OSR1: variants seen among roughly 807,000 people sequenced by gnomAD.
OSR1 encodes the protein protein odd-skipped-related 1.
In OSR1, 3 loss-of-function variants were observed where a neutral mutation model predicts 15.7. The observed-to-expected ratio is 0.19, with a 90% CI of 0.09 to 0.50. The LOEUF is 0.50. Among genes scored for constraint, OSR1 ranks in the 20% least tolerant of loss-of-function variants. The pLI is 0.97. For missense variants in OSR1, 271 were observed against 351.1 expected (o/e 0.77, Z 1.82); for synonymous variants, 166 against 152.7 (o/e 1.09, Z -0.64).
chr2:19,355,823 A>G (rs1306268541), intron 1 of OSR1: 1 of 152,194 alleles, frequency 6.6e-6, no homozygotes, highest in African/African-American at 2.4e-5. Flanking sequence ...GGACAAATTG[A>G]GACTATCCCA....
intron 2 of OSR1, 133 bp downstream of exon 2, chr2:19,353,008 T>G: frequency 2.6e-6 from 3 of 1,169,596 alleles, no homozygotes; most frequent in Non-Finnish European, 2.4e-6. Context: ...TAGGCTTTCC[T>G]TCTTGATTTT....
chr2:19,349,438 C>T (rs1164110463), downstream of OSR1, among the ~76,000 whole-genome samples: 1 of 152,182 alleles, frequency 6.6e-6, no homozygotes. Context: ...GGAGTTGCTG[C>T]GCATCATCCT....
Position 19,352,332 on chromosome 2 carries a change from G to A in OSR1, c.744C>T (p.Val248=), listed in dbSNP as rs754722951. 1.2e-6 allele frequency: 2 copies of A among 1,614,184 alleles called. No individual in the cohort carries two copies. The highest frequency in any genetic ancestry group is 2.2e-5 in the South Asian group (2 of 91,088). ...KGFCQSRTLA[V]HKTLHSQVKE... ...TCACCTGTGAGTGTAGCGTCTTGTG[G>A]ACAGCGAGAGTCCTGGACTGGCAGA... Residue 248 remains valine (V), a synonymous_variant, in exon 3 of 3, where the codon GTC becomes GTT. Coordinates refer to ENST00000272223, the MANE Select transcript of OSR1 (RefSeq NM_145260.3).
chr2:19,351,266 T>C (rs1013393916), downstream of OSR1, among the ~76,000 whole-genome samples: 19 of 152,122 alleles, frequency 1.2e-4, no homozygotes, highest in African/African-American at 4.3e-4. Flanking sequence ...ACCCTATCCC[T>C]GAGGCGGAGG....
At chr2:19,354,637 C>G (rs1664913349) in intron 1 of OSR1, 1 of 152,350 alleles carries the variant, frequency 6.6e-6, no homozygotes, top group Non-Finnish European at 1.5e-5. Flanking sequence ...TGGCTCCACT[C>G]TCTCTGCAGC....
chr2:19,352,724 T>C (rs1186106778), intron 2 of OSR1, among the ~76,000 whole-genome samples: 2 of 152,210 alleles, frequency 1.3e-5, no homozygotes, highest in Non-Finnish European at 2.9e-5. Flanking sequence ...GTCGGACAAT[T>C]TGCTCGACCT....
chr2:19,356,269 C>T (rs1664948002), intron 1 of OSR1: 2 of 152,414 alleles, frequency 1.3e-5, no homozygotes, highest in Non-Finnish European at 2.9e-5. Context: ...AGGGGGAGTG[C>T]TTGCAGCTAT....
At chr2:19,349,088 G>A (rs1013692319), downstream of OSR1, among the ~76,000 whole-genome samples, 10 of 152,206 alleles carry the variant, frequency 6.6e-5, 1 homozygote, top group Non-Finnish European at 1.5e-4. Flanking sequence ...CAAGAGCTGG[G>A]ACTTTCTAGA....
At chr2:19,347,690 A>C (rs1363958379), downstream of OSR1, among the ~76,000 whole-genome samples, 1 of 152,164 alleles carries the variant, frequency 6.6e-6, no homozygotes, top group Non-Finnish European at 1.5e-5. Context: ...TGAGAGCTCT[A>C]CCTCAGAGAG....
At chr2:19,354,018 C>G in intron 1 of OSR1, 181 bp from the exon 2 acceptor site, 1 of 586,044 alleles carries the variant, frequency 1.7e-6, no homozygotes, top group Middle Eastern at 4.6e-4. Context: ...ATGTAAGACG[C>G]AGGGGAGCCC....
chr2:19,353,474 A>G lies in OSR1; in HGVS notation c.332T>C (p.Leu111Pro). 1.9e-6 allele frequency: 3 copies of G among 1,614,094 alleles called. No individual in the cohort carries two copies. The highest frequency in any genetic ancestry group is 2.5e-6 in the Non-Finnish European group (3 of 1,179,958). ...EITAGGSVPALKTKPRFDFAN... is the reference protein window; with the variant it reads ...EITAGGSVPAPKTKPRFDFAN... ...AAAATCAAAGCGCGGCTTGGTCTTGAGCGCTGGAACGCTGCCTCCAGCGGT... is the reference window on the plus strand; with the variant it reads ...AAAATCAAAGCGCGGCTTGGTCTTGGGCGCTGGAACGCTGCCTCCAGCGGT... Residue 111 changes from leucine to proline, a missense_variant, in exon 2 of 3, where the codon CTC becomes CCC. Leu to Pro is a moderately conservative substitution (Grantham distance 98, BLOSUM62 -3). This residue lies in a region of OSR1 where 210 missense variants were observed against 218.4 expected (regional missense o/e 0.96). Transcript: ENST00000272223.
chr2:19,350,845 T>C (rs1198991418), downstream of OSR1, among the ~76,000 whole-genome samples: 1 of 152,118 alleles, frequency 6.6e-6, no homozygotes, highest in Non-Finnish European at 1.5e-5. Context: ...TTGTAGGGAA[T>C]CTTCGCGGGT....
Position 19,353,638 on chromosome 2 carries a change from C to A in OSR1, c.168G>T (p.Thr56=). Residue 56 remains threonine, a synonymous_variant, in exon 2 of 3, where the codon ACG becomes ACT. Transcript: ENST00000272223. ...ALHAVHLHQW[T]LGYPAMHLPR... ...GCAAGTGCATGGCCGGGTAGCCCAGCGTCCACTGATGCAGGTGCACAGCGT... is the reference window on the plus strand; with the variant it reads ...GCAAGTGCATGGCCGGGTAGCCCAGAGTCCACTGATGCAGGTGCACAGCGT... 6.2e-7 allele frequency: 1 copy of A among 1,614,246 alleles called. No individual in the cohort carries two copies. Among genetic ancestry groups the A allele is most frequent in the Non-Finnish European group, 8.5e-7 (1 of 1,180,044 alleles).
rs772152292 is a variant in OSR1, at chr2:19,352,239, G to C, written c.*36C>G. On this transcript the variant is annotated 3_prime_UTR_variant, in exon 3 of 3. Transcript: ENST00000272223. Reference sequence around the variant, plus strand: ...TCTGGTCCCTATGGAGGAGAGGGCCGCTGGGCCTAGGGTCCTTGTGACCCA... The same window carrying C: ...TCTGGTCCCTATGGAGGAGAGGGCCCCTGGGCCTAGGGTCCTTGTGACCCA... 6.2e-7 allele frequency: 1 copy of C among 1,608,986 alleles called. No homozygotes were observed. Among genetic ancestry groups the C allele is most frequent in the Non-Finnish European group, 8.5e-7 (1 of 1,176,854 alleles).
At chr2:19,346,345 A>G in the OSR1 span, among the ~76,000 whole-genome samples, 2 of 152,022 alleles carry the variant, frequency 1.3e-5, no homozygotes, top group Non-Finnish European at 2.9e-5. Flanking sequence ...AAAAATGACC[A>G]AAAAAAATGG....
rs752087418 is a variant in OSR1 at position 19,353,628 on chromosome 2, G to T, written c.178C>A (p.Pro60Thr). Residue 60 changes from proline to threonine, a missense_variant, in exon 2 of 3, where the codon CCG becomes ACG. Pro to Thr is a conservative substitution (Grantham distance 38, BLOSUM62 -1). Transcript: ENST00000272223. The part of the protein sequence containing the change: ...VHLHQWTLGY[P>T]AMHLPRSSFS... ...GAAGAGCGCGGCAAGTGCATGGCCG[G>T]GTAGCCCAGCGTCCACTGATGCAGG... 6.2e-7 allele frequency: 1 copy of T among 1,614,252 alleles called. No individual in the cohort carries two copies. The highest frequency in any genetic ancestry group is 1.7e-5 in the Admixed American group (1 of 60,036).
At chr2:19,349,278 C>T (rs572487586), downstream of OSR1, among the ~76,000 whole-genome samples, 10 of 152,322 alleles carry the variant, frequency 6.6e-5, no homozygotes, top group South Asian at 1.5e-3. Flanking sequence ...TCGGATGGCC[C>T]ACAGGCCCAG....
chr2:19,353,956 A>G (rs2103361524), intron 1 of OSR1, 119 bp from the exon 2 acceptor site: 1 of 835,274 alleles, frequency 1.2e-6, no homozygotes, highest in Non-Finnish European at 1.8e-6. Context: ...GCAGGAGCTA[A>G]GAGTCTAAGA....
Position 19,352,245 on chromosome 2 carries a change from C to T in OSR1, c.*30G>A, listed in dbSNP as rs1225279793. 4.3e-6 allele frequency: 7 copies of T among 1,612,610 alleles called. No individual in the cohort carries two copies. The South Asian group carries it at 5.5e-5, about 13-fold the overall frequency. ...CCCTATGGAGGAGAGGGCCGCTGGG[C>T]CTAGGGTCCTTGTGACCCACAGGTT... On this transcript the variant is annotated 3_prime_UTR_variant, in exon 3 of 3. Transcript: ENST00000272223.
Sources: gnomAD v4.1 joint callset for allele counts (sites outside exome capture counted in the v4.1 genomes callset) on GRCh38, gnomAD v4.1.1 for gene constraint, gnomAD v4.1.1 regional missense constraint, MANE v1.5 for transcripts, NCBI Gene and HGNC (gene_info 2026-07-23, HGNC 2026-07-21) for gene names.